RARA: variants seen among roughly 807,000 people sequenced by gnomAD.
RARA encodes retinoic acid receptor alpha.
Under a neutral mutation model 42.8 loss-of-function variants are expected in RARA, and 5 were observed. The ratio of observed to expected loss-of-function variants is 0.12; its 90% CI spans 0.06 to 0.25. The LOEUF is 0.25. RARA is among the 10% of genes least tolerant of loss of function. RARA has a pLI of 1.00. For synonymous variants in RARA, 256 were observed against 259.5 expected (o/e 0.99, Z 0.13); for missense variants, 402 against 628.7 (o/e 0.64, Z 3.86).
At position 40,354,216 on chromosome 17, in the gene RARA, C is replaced by T. The variant is rs971947990; in HGVS notation, c.808-86C>T. On this transcript the variant is annotated intron_variant, in intron 6 of 8. Coordinates refer to ENST00000254066, the MANE Select transcript of RARA (RefSeq NM_000964.4). The surrounding 1 kb of genome is among the most constrained non-coding windows in gnomAD (Gnocchi z 4.5). Reference sequence around the variant, plus strand: ...TCCGGCCACCTGCCAGGTGGTCCTCCGGGAGTGCTGGTGCGGAGTGCTGGT... The same window carrying T: ...TCCGGCCACCTGCCAGGTGGTCCTCTGGGAGTGCTGGTGCGGAGTGCTGGT... The T allele has an allele frequency of 9.8e-6, 13 of 1,322,566 alleles. No homozygotes were observed. The highest frequency in any genetic ancestry group is 2.9e-5 in the African/African-American group (2 of 68,464). 81.9% of individuals were successfully genotyped at this position (1,322,566 alleles called of 1,614,324 possible). A position where few individuals can be genotyped will look rare whatever the true frequency, so the allele number is the denominator to read the frequency against.
At position 40,354,643 on chromosome 17, in the gene RARA, G is replaced by T; in HGVS notation, c.1012+137G>T. The T allele has an allele frequency of 9.6e-7, 1 of 1,037,522 alleles. No homozygotes were observed. The highest frequency in any genetic ancestry group is 1.6e-5 in the South Asian group (1 of 61,454). The allele number at this position is 1,037,522 out of a possible 1,614,324, so 64.3% of individuals were successfully genotyped here. ...GTCTGGTCTGCAACTACACAGCAAG[G>T]GGGCCATGTGGGGCCTGGACTCCTG... On this transcript the variant is annotated intron_variant, in intron 7 of 8. Coordinates refer to ENST00000254066, the MANE Select transcript of RARA (RefSeq NM_000964.4). The surrounding 1 kb of genome is among the most constrained non-coding windows in gnomAD (Gnocchi z 4.5).
Position 40,351,126 on chromosome 17 carries a change from A to ACTCTCC in RARA, c.470-769_470-764dup, listed in dbSNP as rs200353854. 3.6e-5 allele frequency among the ~76,000 whole-genome samples: 5 copies of ACTCTCC among 140,172 alleles called. No homozygotes were observed. In the Admixed American group the frequency reaches 3.6e-4, roughly 10 times the overall value. 92.0% of individuals were successfully genotyped at this position (140,172 alleles called of 152,430 possible). Reference sequence around the variant, plus strand: ...TTTTCTCTTCCCAAATTATCCCCCCACTCTCCCTCTCCCTCTCCCTTCTCT... The same window carrying ACTCTCC: ...TTTTCTCTTCCCAAATTATCCCCCCACTCTCCCTCTCCCTCTCCCTCTCCCTTCTCT... On this transcript the variant is annotated intron_variant, in intron 4 of 8. Transcript: ENST00000254066. The surrounding 1 kb of genome is among the most constrained non-coding windows in gnomAD (Gnocchi z 4.1).
At chr17:40,315,853 G>A (rs756731311) in intron 1 of RARA, among the ~76,000 whole-genome samples, 2 of 152,180 alleles carry the variant, frequency 1.3e-5, no homozygotes, top group Non-Finnish European at 2.9e-5. Flanking sequence ...TATCTCCTGT[G>A]TGCAGGGAAA....
Position 40,345,700 on chromosome 17 carries a change from G to C in RARA, c.179-2616G>C, listed in dbSNP as rs1179379135. The stretch of plus-strand genomic sequence containing the variant: ...CTGCAGGAAGAGGAGAGATTGGTGG[G>C]CTGGGCCTCTGGGGAGGGAGGTTAG... On this transcript the variant is annotated intron_variant, in intron 2 of 8. Coordinates refer to ENST00000254066, the MANE Select transcript of RARA (RefSeq NM_000964.4). The surrounding 1 kb of genome is among the most constrained non-coding windows in gnomAD (Gnocchi z 4.8). Among the ~76,000 whole-genome samples, 2 of 152,236 alleles carry C rather than the reference G, an allele frequency of 1.3e-5. No individual in the cohort carries two copies. Among genetic ancestry groups the C allele is most frequent in the African/African-American group, 4.8e-5 (2 of 41,470 alleles).
At chr17:40,324,622 G>C (rs2033485893) in intron 1 of RARA, among the ~76,000 whole-genome samples, 2 of 152,198 alleles carry the variant, frequency 1.3e-5, no homozygotes, top group Admixed American at 1.3e-4. Context: ...GCGTGTGGGG[G>C]TCCTGCAGCT....
In RARA at chr17:40,331,195, C is replaced by G. The variant is rs374636114; in HGVS notation, c.-24C>G. The G allele has an allele frequency of 3.1e-5, 50 of 1,595,100 alleles. No homozygotes were observed. In the African/African-American group the frequency reaches 6.2e-4, roughly 20 times the overall value. On this transcript the variant is annotated 5_prime_UTR_variant, in exon 2 of 9. Coordinates refer to ENST00000254066, the MANE Select transcript of RARA (RefSeq NM_000964.4). ...GAGCCCCCTGCCAGACTGTCTGCCT[C>G]CCTTCTGACTGTGGCCGCTTGGCAT...
chr17:40,310,079 G>A (rs975848943), intron 1 of RARA, among the ~76,000 whole-genome samples: 5 of 152,182 alleles, frequency 3.3e-5, no homozygotes, highest in Admixed American at 6.5e-5. Flanking sequence ...GGAAGGGGGT[G>A]TGGACCAGAT....
intron 1 of RARA, among the ~76,000 whole-genome samples, chr17:40,312,270 G>T (rs561348602): frequency 3.3e-5 from 5 of 152,228 alleles, no homozygotes; most frequent in Non-Finnish European, 5.9e-5. Flanking sequence ...CTCCCGCAGG[G>T]TAGGGGCAGC....
intron 2 of RARA, chr17:40,348,055 G>A (rs1051214945): frequency 1.3e-5 from 5 of 378,538 alleles, no homozygotes; most frequent in Non-Finnish European, 2.4e-5. Flanking sequence ...ACATACAAAT[G>A]TGATGGTTTA....
chr17:40,331,293 C>T lies in RARA; in HGVS notation c.75C>T (p.Ala25=), dbSNP rs781275602. 1.2e-6 allele frequency: 2 copies of T among 1,614,112 alleles called. No individual in the cohort carries two copies. The highest frequency in any genetic ancestry group is 4.5e-5 in the East Asian group (2 of 44,876). ...ATGGGTACCCGGTGCCTCCCTACGCCTTCTTCTTCCCCCCTATGCTGGGTG... is the reference window on the plus strand; with the variant it reads ...ATGGGTACCCGGTGCCTCCCTACGCTTTCTTCTTCCCCCCTATGCTGGGTG... ...HLNGYPVPPY[A]FFFPPMLGGL... Residue 25 remains alanine (A), a synonymous_variant, in exon 2 of 9, where the codon GCC becomes GCT. Transcript: ENST00000254066.
At chr17:40,336,130 C>T (rs1345886882) in intron 2 of RARA, among the ~76,000 whole-genome samples, 1 of 152,146 alleles carries the variant, frequency 6.6e-6, no homozygotes, top group African/African-American at 2.4e-5. Flanking sequence ...GGCTGGAGTA[C>T]AGTGGTGCAA....
At chr17:40,315,159 T>TACACACACAC (rs1172471420) in intron 1 of RARA, among the ~76,000 whole-genome samples, 1 of 124,922 alleles carries the variant, frequency 8.0e-6, no homozygotes, top group African/African-American at 3.8e-5. Context: ...TATATATATA[T>TACACACACAC]ATATATATAT....
rs2034572943 is a variant in RARA at position 40,355,067 on chromosome 17, C to T, written c.1013-196C>T. 6.6e-6 allele frequency among the ~76,000 whole-genome samples: 1 copy of T among 152,200 alleles called. No individual in the cohort carries two copies. Among genetic ancestry groups the T allele is most frequent in the Admixed American group, 6.5e-5 (1 of 15,284 alleles). On this transcript the variant is annotated intron_variant, in intron 7 of 8. Coordinates refer to ENST00000254066, the MANE Select transcript of RARA (RefSeq NM_000964.4). This position sits in a 1 kb window ranked among gnomAD's most constrained non-coding sequence, Gnocchi z 4.1. ...GCTCAGGGAGGGTTTGGGGCACCCC[C>T]TCACCCTCAGCTCCCGTTGCTCCCT... is the stretch of plus-strand genomic sequence containing the variant.
intron 4 of RARA, chr17:40,350,683 C>T (rs1170506732): frequency 6.6e-6 from 1 of 152,176 alleles, no homozygotes; most frequent in Non-Finnish European, 1.5e-5. Context: ...ACCCCCTAGC[C>T]CTTTGTGGGG....
Position 40,355,466 on chromosome 17 carries a change from C to T in RARA, c.1171+45C>T, listed in dbSNP as rs751874477. On this transcript the variant is annotated intron_variant, in intron 8 of 8. Coordinates refer to ENST00000254066, the MANE Select transcript of RARA (RefSeq NM_000964.4). This position sits in a 1 kb window ranked among gnomAD's most constrained non-coding sequence, Gnocchi z 4.1. The stretch of plus-strand genomic sequence containing the variant: ...AGGGGTACCGGCCCCCGACACCTGG[C>T]CCAGGCCCCCACATCCAAGCCAGCA... The T allele has an allele frequency of 5.1e-6, 8 of 1,565,788 alleles. No homozygotes were observed. Among genetic ancestry groups the T allele is most frequent in the Non-Finnish European group, 2.6e-6 (3 of 1,152,290 alleles).
chr17:40,311,779 C>T (rs1476105741), intron 1 of RARA, among the ~76,000 whole-genome samples: 1 of 152,130 alleles, frequency 6.6e-6, no homozygotes, highest in Non-Finnish European at 1.5e-5. Context: ...AGGGCCTTCC[C>T]CTAGGGCTGG....
rs1371673461 is a variant in RARA at position 40,354,694 on chromosome 17, T to C, written c.1012+188T>C. On this transcript the variant is annotated intron_variant, in intron 7 of 8. Coordinates refer to ENST00000254066, the MANE Select transcript of RARA (RefSeq NM_000964.4). The surrounding 1 kb of genome is among the most constrained non-coding windows in gnomAD (Gnocchi z 4.5). The stretch of plus-strand genomic sequence containing the variant: ...TTCCCGATTTCTGGGCAACACCCCT[T>C]CTAGGGAGGTTAAGAGTGAGGGTTT... Among the ~76,000 whole-genome samples the C allele has an allele frequency of 6.6e-6, 1 of 152,142 alleles. No individual in the cohort carries two copies. Among genetic ancestry groups the C allele is most frequent in the African/African-American group, 2.4e-5 (1 of 41,444 alleles).
At chr17:40,332,649 C>T (rs2033730099) in intron 2 of RARA, among the ~76,000 whole-genome samples, 1 of 152,260 alleles carries the variant, frequency 6.6e-6, no homozygotes, top group African/African-American at 2.4e-5. Flanking sequence ...CCCTCCCTCC[C>T]AGGCTCCACC....
At chr17:40,321,694 G>A (rs2033385571) in intron 1 of RARA, among the ~76,000 whole-genome samples, 1 of 152,126 alleles carries the variant, frequency 6.6e-6, no homozygotes, top group African/African-American at 2.4e-5. Flanking sequence ...TCAGCCTGGG[G>A]AGCCGGTGGG....
Sources: allele counts gnomAD v4.1 joint callset (sites outside exome capture counted in the v4.1 genomes callset), GRCh38; gene constraint gnomAD v4.1.1; non-coding constraint Gnocchi (gnomAD v3.1); transcripts MANE v1.5; gene names NCBI Gene and HGNC (gene_info 2026-07-23, HGNC 2026-07-21).